CDC123: variants seen among roughly 807,000 people sequenced by gnomAD.
The protein encoded by CDC123 is translation initiation factor eIF2 assembly protein.
CDC123 carries 37 observed loss-of-function variants against 54.4 expected under a neutral mutation model. The observed-to-expected ratio is 0.68, with a 90% CI of 0.52 to 0.89. The LOEUF is 0.89. Ranked by LOEUF, CDC123 falls within the 40% of genes least tolerant of loss-of-function variation. CDC123 has a pLI of 0.00. For missense variants in CDC123, 361 were observed against 412.1 expected (o/e 0.88, Z 1.07); for synonymous variants, 144 against 136.8 (o/e 1.05, Z -0.37).
At chr10:12,221,813 C>G (rs905857430) in intron 6 of CDC123, among the ~76,000 whole-genome samples, 1 of 148,204 alleles carries the variant, frequency 6.7e-6, no homozygotes, top group Non-Finnish European at 1.5e-5. Flanking sequence ...TATTTTTTAG[C>G]TCATCAGCTA....
At chr10:12,238,606 C>A in intron 10 of CDC123, 121 bp downstream of exon 10, 1 of 1,171,566 alleles carries the variant, frequency 8.5e-7, no homozygotes, top group Non-Finnish European at 1.2e-6. Context: ...CTGGGTGCAG[C>A]AGCTCATGCC....
At chr10:12,227,326 G>T (rs995769856) in intron 6 of CDC123, among the ~76,000 whole-genome samples, 3 of 151,950 alleles carry the variant, frequency 2.0e-5, no homozygotes, top group Non-Finnish European at 4.4e-5. Flanking sequence ...ACTTTTCTAA[G>T]ACCATAAAAT....
At chr10:12,242,179 G>A (rs148072309) in intron 10 of CDC123, among the ~76,000 whole-genome samples, 6 of 152,302 alleles carry the variant, frequency 3.9e-5, no homozygotes, top group South Asian at 2.1e-4. Context: ...GCCTCTGTAC[G>A]TGAGAGCCGT....
chr10:12,229,087 C>G (rs1835865225), intron 6 of CDC123, among the ~76,000 whole-genome samples: 1 of 152,142 alleles, frequency 6.6e-6, no homozygotes, highest in Non-Finnish European at 1.5e-5. Context: ...TGTGTCCACT[C>G]CCATTCCCTT....
chr10:12,219,403 A>G (rs559812893), intron 6 of CDC123, among the ~76,000 whole-genome samples: 1 of 152,146 alleles, frequency 6.6e-6, no homozygotes, highest in South Asian at 2.1e-4. Context: ...GGGTCTCACT[A>G]TGTTGCCCAA....
At chr10:12,209,159 C>T (rs985821777) in intron 2 of CDC123, among the ~76,000 whole-genome samples, 4 of 152,032 alleles carry the variant, frequency 2.6e-5, no homozygotes, top group African/African-American at 9.7e-5. Context: ...TTCCCTTTCC[C>T]TTGTTTTTAA....
intron 7 of CDC123, among the ~76,000 whole-genome samples, chr10:12,233,588 C>CTATATATA (rs773517491): frequency 1.3e-5 from 2 of 150,806 alleles, no homozygotes; most frequent in African/African-American, 4.9e-5. Context: ...CCACTGTAGC[C>CTATATATA]TATATATATA....
chr10:12,217,777 T>G (rs1444195682), intron 6 of CDC123, among the ~76,000 whole-genome samples: 2 of 152,056 alleles, frequency 1.3e-5, no homozygotes, highest in African/African-American at 4.8e-5. Flanking sequence ...TACAGCTAAA[T>G]AAAAACAGGA....
Position 12,212,523 on chromosome 10 carries a change from A to T in CDC123, c.237+2201A>T, listed in dbSNP as rs574027616. ...CTCCAAATTCCAAAACTTTTTAAAA[A>T]GACTGACTATCACTGTGTTGCCCAG... On this transcript the variant is annotated intron_variant, in intron 4 of 12. Coordinates refer to ENST00000281141, the MANE Select transcript of CDC123 (RefSeq NM_006023.3). Among the ~76,000 whole-genome samples, 6 of 152,386 alleles carry T rather than the reference A, an allele frequency of 3.9e-5. No individual in the cohort carries two copies. In the South Asian group the frequency reaches 1.2e-3, roughly 32 times the overall value.
At position 12,238,492 on chromosome 10, in the gene CDC123, A is replaced by T. The variant is rs2131762433; in HGVS notation, c.717+7A>T. On this transcript the variant is annotated splice_region_variant and intron_variant, in intron 10 of 12. Transcript: ENST00000281141. ...TATATACAGAGACAGTAGGGTAAGT[A>T]AAAACTCTTTCTGATATGCTTTAAT... The T allele has an allele frequency of 1.2e-6, 2 of 1,607,890 alleles. No individual in the cohort carries two copies. The highest frequency in any genetic ancestry group is 1.7e-4 in the Middle Eastern group (1 of 6,048).
intron 2 of CDC123, among the ~76,000 whole-genome samples, chr10:12,199,884 G>A (rs760735951): frequency 2.7e-5 from 4 of 146,910 alleles, no homozygotes; most frequent in South Asian, 2.2e-4. Context: ...GTGCAGTGGC[G>A]TGATCTCAGC....
intron 7 of CDC123, among the ~76,000 whole-genome samples, chr10:12,233,719 TAAG>T (rs1323137377): frequency 6.6e-6 from 1 of 152,066 alleles, no homozygotes; most frequent in Non-Finnish European, 1.5e-5. Flanking sequence ...AAGCAGATAA[TAAG>T]GCTTGACTAA....
chr10:12,208,324 C>T (rs780767973), intron 2 of CDC123, among the ~76,000 whole-genome samples: 6 of 152,164 alleles, frequency 3.9e-5, no homozygotes, highest in East Asian at 1.9e-4. Flanking sequence ...TTCTTTCAGC[C>T]TCTGATTCCC....
chr10:12,212,787 T>G (rs1034417418), intron 4 of CDC123, among the ~76,000 whole-genome samples: 1 of 152,204 alleles, frequency 6.6e-6, no homozygotes, highest in African/African-American at 2.4e-5. Context: ...GCCGTGTGCA[T>G]AAGGTGTATA....
At chr10:12,224,852 C>G (rs888954405) in intron 6 of CDC123, among the ~76,000 whole-genome samples, 3 of 152,012 alleles carry the variant, frequency 2.0e-5, no homozygotes, top group African/African-American at 7.2e-5. Flanking sequence ...GCTGAGTCCT[C>G]CAGTGACCTT....
At chr10:12,243,793 A>G (rs1836091982) in intron 10 of CDC123, among the ~76,000 whole-genome samples, 1 of 152,182 alleles carries the variant, frequency 6.6e-6, no homozygotes, top group Non-Finnish European at 1.5e-5. Context: ...CAAAAAAAAA[A>G]AAAAAGAAAG....
chr10:12,241,018 C>A (rs141299225), intron 10 of CDC123, among the ~76,000 whole-genome samples: 3 of 152,270 alleles, frequency 2.0e-5, no homozygotes, highest in Admixed American at 2.0e-4. Flanking sequence ...GAGGTTACAC[C>A]TGACCAGATC....
rs769978738 is a variant in CDC123, at chr10:12,196,268, A to C, written c.23A>C (p.His8Pro). Reference protein sequence around the residue: MKKEHVLHCQFSAWYPFF... With the variant: MKKEHVLPCQFSAWYPFF... The stretch of plus-strand genomic sequence containing the variant: ...AGGATGAAGAAGGAGCATGTGCTTC[A>C]CTGCCAGTTCTCCGCGTGGTACCCG... The change falls in exon 1 of 13, where the codon CAC (histidine) becomes CCC (proline). Residue 8 changes from histidine to proline, a missense_variant. Transcript: ENST00000281141. The C allele has an allele frequency of 1.2e-6, 2 of 1,613,828 alleles. No individual in the cohort carries two copies. The highest frequency in any genetic ancestry group is 2.7e-5 in the African/African-American group (2 of 74,882).
intron 5 of CDC123, among the ~76,000 whole-genome samples, chr10:12,216,681 TGTTA>T: frequency 6.6e-6 from 1 of 152,336 alleles, no homozygotes; most frequent in African/African-American, 2.4e-5. Flanking sequence ...GGTTTGCAAC[TGTTA>T]GTTTTCTCAA....
Sources: gnomAD v4.1 joint callset for allele counts (sites outside exome capture counted in the v4.1 genomes callset) on GRCh38, gnomAD v4.1.1 for gene constraint, MANE v1.5 for transcripts, NCBI Gene and HGNC (gene_info 2026-07-23, HGNC 2026-07-21) for gene names.